Variants in KRT76 observed in about 807,000 individuals in gnomAD.
KRT76 encodes keratin 76.
A neutral mutation model predicts 44.9 loss-of-function variants in KRT76; 47 were observed. That is an observed-to-expected ratio of 1.05 (90% CI 0.83 to 1.33). KRT76 has a LOEUF of 1.33. Ranked by LOEUF, KRT76 falls within the 40% of genes most tolerant of loss-of-function variation. The probability of loss-of-function intolerance (pLI) is 0.00; values close to 1 mark genes in which losing one functional copy is unlikely to be tolerated. For missense variants in KRT76, 860 were observed against 775.8 expected, an observed-to-expected ratio of 1.11 and a Z score of -1.29; for synonymous variants, 331 against 294.1, an observed-to-expected ratio of 1.13 and a Z score of -1.28.
rs145252487 is a variant in KRT76, at chr12:52,771,503, A to G, written c.1264-284T>C. Reference sequence around the variant, plus strand: ...CCCTAATCTTTTTTGCAAGACTGTTAAAAACTCTCTTGCCTAATCACTTCA... The same window carrying G: ...CCCTAATCTTTTTTGCAAGACTGTTGAAAACTCTCTTGCCTAATCACTTCA... On this transcript the variant is annotated intron_variant, in intron 6 of 8. Transcript: ENST00000332411. Among the ~76,000 whole-genome samples, 555 of 152,272 alleles carry G rather than the reference A, an allele frequency of 3.6e-3. 2 individuals carry two copies. The highest frequency in any genetic ancestry group is 0.013 in the African/African-American group (531 of 41,548).
At chr12:52,770,400 G>C (rs1458329986) in intron 7 of KRT76, among the ~76,000 whole-genome samples, 1 of 152,156 alleles carries the variant, frequency 6.6e-6, no homozygotes, top group Non-Finnish European at 1.5e-5. Flanking sequence ...TTTAGCATTT[G>C]ATAAACACTT....
At chr12:52,775,360 G>A (rs567383918) in intron 2 of KRT76, 28 bp downstream of exon 2, 4 of 1,606,462 alleles carry the variant, frequency 2.5e-6, no homozygotes, top group Middle Eastern at 1.7e-4. Flanking sequence ...TTCCCCAGAA[G>A]GGGAAACTTC....
In KRT76 at chr12:52,772,269, C is replaced by A; in HGVS notation, c.973-11G>T. The A allele has an allele frequency of 1.3e-6, 2 of 1,586,072 alleles. No homozygotes were observed. Among genetic ancestry groups the A allele is most frequent in the Non-Finnish European group, 1.7e-6 (2 of 1,165,772 alleles). ...CATCTGGGACAGCTCCTGCAGGAAA[C>A]ATGGATAGTTACTCTTACCATCGCC... On this transcript the variant is annotated splice_polypyrimidine_tract_variant and intron_variant, in intron 4 of 8. Coordinates refer to ENST00000332411, the MANE Select transcript of KRT76 (RefSeq NM_015848.4).
chr12:52,769,112 T>C lies in KRT76; in HGVS notation c.1520-2A>G. The C allele has an allele frequency of 1.4e-6, 1 of 698,936 alleles. No homozygotes were observed. The highest frequency in any genetic ancestry group is 2.7e-6 in the Non-Finnish European group (1 of 371,606). 43.3% of individuals were successfully genotyped at this position (698,936 alleles called of 1,614,324 possible). On this transcript the variant is annotated splice_acceptor_variant, in intron 8 of 8. Transcript: ENST00000332411. LOFTEE classifies it high-confidence loss of function. ...TGCTGGTGACATTGCTGACCACTGC[T>C]ACAAGACAACAGGCACACAATTCAG...
chr12:52,768,967 T>C lies in KRT76; in HGVS notation c.1663A>G (p.Ser555Gly), dbSNP rs1236295416. 1 of 1,227,874 alleles carries C rather than the reference T, an allele frequency of 8.1e-7. No homozygotes were observed. Among genetic ancestry groups the C allele is most frequent in the South Asian group, 1.3e-5 (1 of 79,714 alleles). 76.1% of individuals were successfully genotyped at this position (1,227,874 alleles called of 1,614,324 possible). A position where few individuals can be genotyped will look rare whatever the true frequency, so the allele number is the denominator to read the frequency against. The change falls in exon 9 of 9, where the codon AGC (serine) becomes GGC (glycine). Residue 555 changes from serine (S) to glycine (G), a missense_variant. Transcript: ENST00000332411. ...SSSGYGVSGGSGSGYGGVSSG... is the reference protein window; with the variant it reads ...SSSGYGVSGGGGSGYGGVSSG... ...CTGACCCCTCCATAGCCACTGCCGCTGCCGCCACTGACTCCATAGCCACTG... is the reference window on the plus strand; with the variant it reads ...CTGACCCCTCCATAGCCACTGCCGCCGCCGCCACTGACTCCATAGCCACTG...
In KRT76 at chr12:52,776,715, T is replaced by G; in HGVS notation, c.577A>C (p.Lys193Gln). Residue 193 changes from lysine (K) to glutamine (Q), a missense_variant, in exon 1 of 9, where the codon AAG becomes CAG. By Grantham distance (53) the Lys-to-Gln change is moderately conservative. Transcript: ENST00000332411. ...ACCTTGTCGATGAAGGAGGCAAACT[T>G]GTTGTTGAGGGTCTTGATCTGTTCC... Reference protein sequence around the residue: ...EREQIKTLNNKFASFIDKVRF... With the variant: ...EREQIKTLNNQFASFIDKVRF... 2 of 1,614,112 alleles carry G rather than the reference T, an allele frequency of 1.2e-6. No homozygotes were observed. Among genetic ancestry groups the G allele is most frequent in the Non-Finnish European group, 1.7e-6 (2 of 1,180,024 alleles).
Position 52,777,294 on chromosome 12 carries a change from T to C in KRT76, c.-3A>G. On this transcript the variant is annotated 5_prime_UTR_variant, in exon 1 of 9. Transcript: ENST00000332411. Reference sequence around the variant, plus strand: ...TTCTTGCAAACTTGTCTGTTCATAGTGAGAGAGCTTGGAGGCAAGCTAGTG... The same window carrying C: ...TTCTTGCAAACTTGTCTGTTCATAGCGAGAGAGCTTGGAGGCAAGCTAGTG... 6 of 1,613,926 alleles carry C rather than the reference T, an allele frequency of 3.7e-6. 1 individual carries two copies. The South Asian group carries it at 6.6e-5, about 18-fold the overall frequency.
chr12:52,773,430 A>C, intron 3 of KRT76, 152 bp downstream of exon 3: 1 of 543,118 alleles, frequency 1.8e-6, no homozygotes, highest in Non-Finnish European at 3.3e-6. Flanking sequence ...AGCTTCCTTC[A>C]TGAAACATTT....
At chr12:52,774,123 T>C (rs1939227147) in intron 2 of KRT76, among the ~76,000 whole-genome samples, 1 of 152,176 alleles carries the variant, frequency 6.6e-6, no homozygotes, top group Admixed American at 6.5e-5. Flanking sequence ...TGATTGAAAT[T>C]CTTAATAATT....
chr12:52,770,658 T>C (rs1293895381), intron 7 of KRT76, among the ~76,000 whole-genome samples: 2 of 152,204 alleles, frequency 1.3e-5, no homozygotes, highest in African/African-American at 4.8e-5. Flanking sequence ...GGCTACTGTA[T>C]TGGACAGCAC....
At chr12:52,770,928 G>C in intron 7 of KRT76, 71 bp downstream of exon 7, 1 of 1,588,302 alleles carries the variant, frequency 6.3e-7, no homozygotes, top group South Asian at 1.1e-5. Flanking sequence ...TTATCATCTT[G>C]CCCCCTTTCC....
rs774992428 is a variant in KRT76 at position 52,773,619 on chromosome 12, C to T, written c.839G>A (p.Arg280His). ...KKKYEDEINK[R>H]TAAENEFVGL... ...CACAAACTCATTCTCTGCGGCAGTG[C>T]GTTTGTTGATTTCATCTTCATACCT... Residue 280 changes from arginine to histidine, a missense_variant, in exon 3 of 9, where the codon CGC becomes CAC. Physicochemically the swap from Arg to His is conservative, Grantham distance 29. Coordinates refer to ENST00000332411, the MANE Select transcript of KRT76 (RefSeq NM_015848.4). 19 of 1,613,078 alleles carry T rather than the reference C, an allele frequency of 1.2e-5. No individual in the cohort carries two copies. The highest frequency in any genetic ancestry group is 8.8e-5 in the South Asian group (8 of 90,980).
chr12:52,770,894 C>T, intron 7 of KRT76, 105 bp downstream of exon 7: 2 of 1,427,844 alleles, frequency 1.4e-6, no homozygotes, highest in East Asian at 4.6e-5. Flanking sequence ...ACACTCCTTG[C>T]CCTTTGTCTT....
At position 52,775,628 on chromosome 12, in the gene KRT76, G is replaced by T. The variant is rs781674257; in HGVS notation, c.601-26C>A. Reference sequence around the variant, plus strand: ...CTGCATGAAAGAGGGGAGAAAAGGAGTCAGCCCCTTGAGTTGGGCATGTGG... The same window carrying T: ...CTGCATGAAAGAGGGGAGAAAAGGATTCAGCCCCTTGAGTTGGGCATGTGG... On this transcript the variant is annotated intron_variant, in intron 1 of 8. Coordinates refer to ENST00000332411, the MANE Select transcript of KRT76 (RefSeq NM_015848.4). The T allele has an allele frequency of 1.9e-6, 3 of 1,600,508 alleles. No individual in the cohort carries two copies. In the Admixed American group the frequency reaches 5.0e-5, roughly 27 times the overall value.
rs376112650 is a variant in KRT76 at position 52,775,623 on chromosome 12, A to G, written c.601-21T>C. 115 of 1,606,030 alleles carry G rather than the reference A, an allele frequency of 7.2e-5. No individual in the cohort carries two copies. In the African/African-American group the frequency reaches 1.4e-3, roughly 20 times the overall value. ...CGCACCTGCATGAAAGAGGGGAGAA[A>G]AGGAGTCAGCCCCTTGAGTTGGGCA... On this transcript the variant is annotated intron_variant, in intron 1 of 8. Coordinates refer to ENST00000332411, the MANE Select transcript of KRT76 (RefSeq NM_015848.4).
intron 3 of KRT76, among the ~76,000 whole-genome samples, 187 bp downstream of exon 3, chr12:52,773,395 C>T (rs555219383): frequency 6.6e-5 from 10 of 152,260 alleles, no homozygotes; most frequent in East Asian, 5.8e-4. Flanking sequence ...TTTAACATAC[C>T]TTTCCATGGT....
chr12:52,772,021 G>A (rs199872104), intron 5 of KRT76, 25 bp from the exon 6 acceptor site: 173 of 1,611,608 alleles, frequency 1.1e-4, no homozygotes, highest in Middle Eastern at 5.0e-4. Flanking sequence ...ACCAATCAAC[G>A]TGGCTTTTGC....
In KRT76 at chr12:52,771,902, A is replaced by T; in HGVS notation, c.1232T>A (p.Leu411Gln). The T allele has an allele frequency of 6.2e-7, 1 of 1,614,078 alleles. No homozygotes were observed. Among genetic ancestry groups the T allele is most frequent in the Non-Finnish European group, 8.5e-7 (1 of 1,179,962 alleles). Residue 411 changes from leucine (L) to glutamine (Q), a missense_variant, in exon 6 of 9, where the codon CTA (leucine) becomes CAA (glutamine). Coordinates refer to ENST00000332411, the MANE Select transcript of KRT76 (RefSeq NM_015848.4). Reference protein sequence around the residue: ...IMELNRMIQRLRAEIENVKKQ... With the variant: ...IMELNRMIQRQRAEIENVKKQ... ...CTTGACATTTTCAATCTCAGCCCGT[A>T]GCCTCTGGATCATCCTGTTGAGCTC... is the stretch of plus-strand genomic sequence containing the variant.
chr12:52,771,947 T>C lies in KRT76; in HGVS notation c.1187A>G (p.Asn396Ser), dbSNP rs1592293690. 6.2e-7 allele frequency: 1 copy of C among 1,614,144 alleles called. No individual in the cohort carries two copies. The highest frequency in any genetic ancestry group is 8.5e-7 in the Non-Finnish European group (1 of 1,180,002). The change falls in exon 6 of 9, where the codon AAC becomes AGC. Residue 396 changes from asparagine to serine, a missense_variant. By Grantham distance (46) the Asn-to-Ser change is conservative. Transcript: ENST00000332411. Reference sequence around the variant, plus strand: ...GAGCTCCATGATCTCACTCTTGGTGTTCCTCAGGTCATCCCCATGCCTGCC... The same window carrying C: ...GAGCTCCATGATCTCACTCTTGGTGCTCCTCAGGTCATCCCCATGCCTGCC... ...TAGRHGDDLR[N>S]TKSEIMELNR...
Sources: allele counts gnomAD v4.1 joint callset (sites outside exome capture counted in the v4.1 genomes callset), GRCh38; gene constraint gnomAD v4.1.1; transcripts MANE v1.5; gene names NCBI Gene and HGNC (gene_info 2026-07-23, HGNC 2026-07-21).